The following SELENON variants were observed in gnomAD, a reference collection of about 807,000 sequenced individuals.
The protein encoded by SELENON is selenoprotein N, 1.
A neutral mutation model predicts 59.5 loss-of-function variants in SELENON; 44 were observed. The ratio of observed to expected loss-of-function variants is 0.74; its 90% CI spans 0.58 to 0.95. The LOEUF (loss-of-function observed/expected upper bound fraction) is 0.95. SELENON is among the 40% of genes least tolerant of loss of function. SELENON has a pLI of 0.00. For synonymous variants in SELENON, 320 were observed against 305.6 expected, an observed-to-expected ratio of 1.05 and a Z score of -0.49; for missense variants, 674 against 721.4, an observed-to-expected ratio of 0.93 and a Z score of 0.75.
intron 4 of SELENON, among the ~76,000 whole-genome samples, chr1:25,806,676 C>A (rs1188903234): frequency 6.6e-6 from 1 of 152,086 alleles, no homozygotes; most frequent in Non-Finnish European, 1.5e-5. Flanking sequence ...GTCTGCTGCC[C>A]AGCAGCAGCC....
In SELENON at chr1:25,816,700, G is replaced by A. The variant is rs1175627641; in HGVS notation, c.*982G>A. On this transcript the variant is annotated 3_prime_UTR_variant, in exon 13 of 13. Coordinates refer to ENST00000361547, the MANE Select transcript of SELENON (RefSeq NM_020451.3). ...CGTCCTGAGCCACTGACCACGGCCA[G>A]TCTCTCTTTTTATATGTGCAGAAAA... The A allele has an allele frequency of 6.5e-6, 1 of 152,710 alleles. No homozygotes were observed. The highest frequency in any genetic ancestry group is 1.9e-4 in the East Asian group (1 of 5,190). The allele number at this position is 152,710 out of a possible 1,614,324, so 9.5% of individuals were successfully genotyped here.
chr1:25,805,044 C>G (rs894166462), intron 3 of SELENON, 98 bp from the exon 3 acceptor site: 150 of 1,544,996 alleles, frequency 9.7e-5, no homozygotes, highest in Middle Eastern at 2.3e-4. Flanking sequence ...CCCCCACCCC[C>G]TGCCTGGCTC....
chr1:25,800,356 T>TGCCGCC lies in SELENON; in HGVS notation c.131_136dup (p.Ala44_Ala45dup), dbSNP rs2047850213. Reference sequence around the variant, plus strand: ...TCGGAGCCCTGCTGGCCGCCGCCGCTGCCGCCGCCGTCCGGGTCTGCGCCC... The same window carrying TGCCGCC: ...TCGGAGCCCTGCTGGCCGCCGCCGCTGCCGCCGCCGCCGCCGTCCGGGTCTGCGCCC... On this transcript the variant is annotated inframe_insertion, in exon 1 of 13. Transcript: ENST00000361547. The TGCCGCC allele has an allele frequency of 9.5e-7, 1 of 1,056,164 alleles. No homozygotes were observed. Among genetic ancestry groups the TGCCGCC allele is most frequent in the Non-Finnish European group, 1.1e-6 (1 of 877,280 alleles). The allele number at this position is 1,056,164 out of a possible 1,614,324, so 65.4% of individuals were successfully genotyped here. A position where few individuals can be genotyped will look rare whatever the true frequency, so the allele number is the denominator to read the frequency against.
At position 25,801,049 on chromosome 1, in the gene SELENON, G is replaced by C; in HGVS notation, c.190G>C (p.Ala64Pro). ...AGTCTCTCCTCCCAAGCAGGAACTG[G>C]CGCTGAAGACCCTGGGGACAGATGG... Residue 64 changes from alanine to proline, a missense_variant, in exon 2 of 13, where the codon GCG becomes CCG. Transcript: ENST00000361547. 1 of 1,614,068 alleles carries C rather than the reference G, an allele frequency of 6.2e-7. No homozygotes were observed. The highest frequency in any genetic ancestry group is 8.5e-7 in the Non-Finnish European group (1 of 1,179,910).
At chr1:25,803,708 G>GGT (rs1553119455) in intron 3 of SELENON, among the ~76,000 whole-genome samples, 4 of 149,752 alleles carry the variant, frequency 2.7e-5, no homozygotes, top group South Asian at 2.1e-4. Context: ...TGTTTTTTTT[G>GGT]TTTTTTTGTT....
At chr1:25,813,473 A>G (rs2047984027) in intron 10 of SELENON, 1 of 359,828 alleles carries the variant, frequency 2.8e-6, no homozygotes, top group Non-Finnish European at 5.5e-6. Context: ...ACCAGAGTGT[A>G]TAACTGGGGG....
At chr1:25,804,997 C>T (rs187281410) in intron 3 of SELENON, 145 bp from the exon 3 acceptor site, 2 of 964,650 alleles carry the variant, frequency 2.1e-6, no homozygotes, top group Admixed American at 1.7e-5. Context: ...ATGCGATACA[C>T]TGGTTGTTAC....
intron 7 of SELENON, among the ~76,000 whole-genome samples, chr1:25,810,576 G>A (rs1015179026): frequency 3.9e-5 from 6 of 152,240 alleles, no homozygotes; most frequent in Admixed American, 1.3e-4. Context: ...GCAAGGCCCT[G>A]GCCCTCTGTA....
At chr1:25,804,636 C>G (rs1263872222) in intron 3 of SELENON, among the ~76,000 whole-genome samples, 2 of 25,316 alleles carry the variant, frequency 7.9e-5, no homozygotes, top group African/African-American at 3.1e-4. Flanking sequence ...TGGGGCAATG[C>G]CCCCCCCGCC....
intron 3 of SELENON, among the ~76,000 whole-genome samples, chr1:25,804,767 C>T (rs890317695): frequency 2.0e-5 from 3 of 151,560 alleles, no homozygotes; most frequent in South Asian, 2.1e-4. Context: ...TTCATTACTC[C>T]GGTTCCCTTG....
intron 3 of SELENON, among the ~76,000 whole-genome samples, chr1:25,804,817 C>T (rs1252270485): frequency 1.3e-5 from 2 of 152,090 alleles, no homozygotes; most frequent in South Asian, 2.1e-4. Context: ...AGAAAAGGGT[C>T]GTGGTTGGTC....
At chr1:25,808,916 C>T (rs1293236866) in intron 5 of SELENON, 110 bp from the exon 5 acceptor site, 11 of 1,576,790 alleles carry the variant, frequency 7.0e-6, no homozygotes, top group Admixed American at 5.0e-5. Context: ...TCTGGACCTG[C>T]CCCCTCCCCA....
intron 10 of SELENON, among the ~76,000 whole-genome samples, chr1:25,813,144 T>G (rs1017754837): frequency 6.6e-6 from 1 of 152,172 alleles, no homozygotes; most frequent in Non-Finnish European, 1.5e-5. Context: ...CCGCATACAC[T>G]GTAAAGTGTT....
rs374681184 is a variant in SELENON, at chr1:25,805,152, C to T, written c.414C>T (p.Pro138=). 55 of 1,613,458 alleles carry T rather than the reference C, an allele frequency of 3.4e-5. No individual in the cohort carries two copies. The highest frequency in any genetic ancestry group is 8.3e-5 in the Admixed American group (5 of 60,000). Residue 138 remains proline (P), a synonymous_variant, in exon 4 of 13, where the codon CCC becomes CCT. Coordinates refer to ENST00000361547, the MANE Select transcript of SELENON (RefSeq NM_020451.3). ...GTCTGTGTCTCATAGGGTCAACTCC[C>T]GCGGCCAGCTGCGAGGAGGAGGAGT... is the stretch of plus-strand genomic sequence containing the variant.
intron 7 of SELENON, 106 bp downstream of exon 6, chr1:25,809,926 C>T: frequency 7.0e-7 from 1 of 1,421,564 alleles, no homozygotes; most frequent in Non-Finnish European, 9.8e-7. Context: ...TTCCTTTGCT[C>T]CCCAGAGCCC....
chr1:25,801,287 T>C, intron 2 of SELENON, 127 bp downstream of exon 2: 2 of 763,292 alleles, frequency 2.6e-6, no homozygotes, highest in Non-Finnish European at 4.7e-6. Flanking sequence ...TCCTCCCAGC[T>C]CTGACACTTT....
Position 25,801,074 on chromosome 1 carries a change from G to A in SELENON, c.215G>A (p.Gly72Asp). The A allele has an allele frequency of 1.2e-6, 2 of 1,614,172 alleles. No individual in the cohort carries two copies. The highest frequency in any genetic ancestry group is 2.2e-5 in the South Asian group (2 of 91,084). Residue 72 changes from glycine (G) to aspartate (D), a missense_variant, in exon 2 of 13, where the codon GGC (glycine) becomes GAC (aspartate). Physicochemically the swap from Gly to Asp is moderately conservative, Grantham distance 94. Transcript: ENST00000361547. ...GCGCTGAAGACCCTGGGGACAGATG[G>A]CCTTTTTCTCTTTTCCTCCTTGGAC...
rs56169842 is a variant in SELENON, at chr1:25,808,728, G to C, written c.686G>C (p.Ser229Thr). 1.2e-6 allele frequency: 2 copies of C among 1,614,132 alleles called. No individual in the cohort carries two copies. Among genetic ancestry groups the C allele is most frequent in the Admixed American group, 3.3e-5 (2 of 60,034 alleles). ...TGGTGGATCATCCCCAGTGAGCTGA[G>C]CATGTTCACTGGCTACCTGTCCAAC... The change falls in exon 5 of 13, where the codon AGC (serine) becomes ACC (threonine). Residue 229 changes from serine to threonine, a missense_variant. Physicochemically the swap from Ser to Thr is moderately conservative, Grantham distance 58. Coordinates refer to ENST00000361547, the MANE Select transcript of SELENON (RefSeq NM_020451.3).
intron 11 of SELENON, 40 bp downstream of exon 10, chr1:25,814,033 G>A (rs1235194989): frequency 6.2e-7 from 1 of 1,610,534 alleles, no homozygotes; most frequent in African/African-American, 1.3e-5. Context: ...GTCCGGAACA[G>A]TGGTGGGGGC....
Sources: gnomAD v4.1 joint callset for allele counts (sites outside exome capture counted in the v4.1 genomes callset) on GRCh38, gnomAD v4.1.1 for gene constraint, MANE v1.5 for transcripts, NCBI Gene and HGNC (gene_info 2026-07-23, HGNC 2026-07-21) for gene names.